GRM1: variants seen among roughly 807,000 people sequenced by gnomAD.
GRM1 encodes metabotropic glutamate receptor 1.
GRM1 carries 33 observed loss-of-function variants against 90.9 expected under a neutral mutation model. The ratio of observed to expected loss-of-function variants is 0.36; its 90% CI spans 0.28 to 0.49. GRM1 has a LOEUF of 0.49. GRM1 is among the 20% of genes least tolerant of loss of function. The pLI, the probability that GRM1 is intolerant of heterozygous loss-of-function variation, is 0.99. For synonymous variants in GRM1, 700 were observed against 613.2 expected (o/e 1.14, Z -2.09); for missense variants, 1,190 against 1,534.3 (o/e 0.78, Z 3.75).
chr6:146,295,121 G>T (rs1463110523), intron 2 of GRM1, among the ~76,000 whole-genome samples: 4 of 151,968 alleles, frequency 2.6e-5, no homozygotes, highest in African/African-American at 7.3e-5. Flanking sequence ...GGAGAGTTTA[G>T]ATATTTGATT....
At chr6:146,094,059 C>G (rs1776798975) in intron 1 of GRM1, among the ~76,000 whole-genome samples, 1 of 151,856 alleles carries the variant, frequency 6.6e-6, no homozygotes, top group African/African-American at 2.4e-5. Flanking sequence ...TAAAAACAAC[C>G]CCTAAGTATT....
At chr6:146,282,045 C>A (rs554753094) in intron 2 of GRM1, among the ~76,000 whole-genome samples, 1 of 152,088 alleles carries the variant, frequency 6.6e-6, no homozygotes, top group Admixed American at 6.6e-5. Flanking sequence ...GAATCATAAA[C>A]AAGAAATCAA....
In GRM1 at chr6:146,433,918, G is replaced by T. The variant is rs1390746716; in HGVS notation, c.2707G>T (p.Val903Leu). 19 of 1,614,002 alleles carry T rather than the reference G, an allele frequency of 1.2e-5. No individual in the cohort carries two copies. Among genetic ancestry groups the T allele is most frequent in the Non-Finnish European group, 1.5e-5 (18 of 1,179,882 alleles). Residue 903 changes from valine (V) to leucine (L), a missense_variant, in exon 8 of 8, where the codon GTG becomes TTG. Coordinates refer to ENST00000282753, the MANE Select transcript of GRM1 (RefSeq NM_001278064.2). Reference protein sequence around the residue: ...VSWSEPGGGQVPKGQHMWHRL... With the variant: ...VSWSEPGGGQLPKGQHMWHRL... ...ATGGTCTGAACCAGGTGGAGGACAG[G>T]TGCCCAAGGGACAGCATATGTGGCA...
At chr6:146,225,994 T>G (rs1780227637) in intron 2 of GRM1, among the ~76,000 whole-genome samples, 1 of 152,126 alleles carries the variant, frequency 6.6e-6, no homozygotes, top group Middle Eastern at 3.2e-3. Flanking sequence ...TCCAAATCCC[T>G]TTGTGATAAC....
At chr6:146,208,761 TG>T (rs1178090912) in intron 2 of GRM1, among the ~76,000 whole-genome samples, 1 of 152,170 alleles carries the variant, frequency 6.6e-6, no homozygotes, top group Non-Finnish European at 1.5e-5. Context: ...GGCAGTATTT[TG>T]TCAATAATAA....
intron 3 of GRM1, among the ~76,000 whole-genome samples, chr6:146,311,496 T>A (rs1766218875): frequency 6.6e-6 from 1 of 152,214 alleles, no homozygotes; most frequent in South Asian, 2.1e-4. Context: ...GAGTAACTAT[T>A]CAATAGGCAC....
chr6:146,288,924 G>T (rs929060281), intron 2 of GRM1, among the ~76,000 whole-genome samples: 2 of 152,162 alleles, frequency 1.3e-5, no homozygotes, highest in East Asian at 3.8e-4. Context: ...TTAGTACAAT[G>T]CACTGCTCAC....
At chr6:146,339,216 G>A (rs565607928) in intron 3 of GRM1, among the ~76,000 whole-genome samples, 1 of 152,172 alleles carries the variant, frequency 6.6e-6, no homozygotes, top group Admixed American at 6.5e-5. Flanking sequence ...ATTATATCAG[G>A]TGCTGACATT....
chr6:146,409,531 A>G (rs1777482333), intron 7 of GRM1, among the ~76,000 whole-genome samples: 1 of 152,154 alleles, frequency 6.6e-6, no homozygotes. Flanking sequence ...GAAGACTAAG[A>G]AAAGACGAAC....
At chr6:146,219,909 G>T (rs1452843073) in intron 2 of GRM1, among the ~76,000 whole-genome samples, 1 of 145,698 alleles carries the variant, frequency 6.9e-6, no homozygotes, top group East Asian at 2.0e-4. Context: ...TTGTTGTTTT[G>T]TGTGTGTGTG....
chr6:146,364,193 C>T (rs951869787), intron 5 of GRM1, among the ~76,000 whole-genome samples: 3 of 152,142 alleles, frequency 2.0e-5, no homozygotes, highest in Admixed American at 6.5e-5. Flanking sequence ...CCTTTTACCT[C>T]TAGCTATTTA....
intron 2 of GRM1, among the ~76,000 whole-genome samples, chr6:146,247,344 C>T (rs541926714): frequency 6.6e-6 from 1 of 152,296 alleles, no homozygotes; most frequent in East Asian, 1.9e-4. Context: ...CCTAGTGATA[C>T]AGCTGCATGG....
Position 146,209,607 on chromosome 6 carries a change from G to A in GRM1, c.950+50010G>A, listed in dbSNP as rs77673749. On this transcript the variant is annotated intron_variant, in intron 2 of 7. Transcript: ENST00000282753. ...AAGATTCATGGAAAATGGTTTGGAG[G>A]CAAGTTACACAAAACAGAATGATGG... 9.1e-3 allele frequency among the ~76,000 whole-genome samples: 1,388 copies of A among 152,206 alleles called. 19 individuals carry two copies. The highest frequency in any genetic ancestry group is 0.027 in the African/African-American group (1,115 of 41,548).
intron 2 of GRM1, among the ~76,000 whole-genome samples, chr6:146,265,909 G>A (rs1781868528): frequency 1.3e-5 from 2 of 152,150 alleles, no homozygotes; most frequent in Admixed American, 1.3e-4. Flanking sequence ...ACATATTAGA[G>A]GCTGGGAGTG....
chr6:146,250,766 C>T (rs1256248651), intron 2 of GRM1, among the ~76,000 whole-genome samples: 2 of 152,146 alleles, frequency 1.3e-5, no homozygotes, highest in African/African-American at 2.4e-5. Context: ...AGAGCCCATT[C>T]TATTATGAAC....
At chr6:146,342,351 T>C (rs2115018874) in intron 3 of GRM1, among the ~76,000 whole-genome samples, 1 of 152,372 alleles carries the variant, frequency 6.6e-6, no homozygotes, top group East Asian at 1.9e-4. Context: ...TTATATATTG[T>C]CTGCAATCAG....
At chr6:146,039,899 A>T (rs569559902) in intron 1 of GRM1, among the ~76,000 whole-genome samples, 3 of 152,144 alleles carry the variant, frequency 2.0e-5, no homozygotes, top group Non-Finnish European at 4.4e-5. Context: ...AGACTGGGAA[A>T]AAATTAGTTT....
Position 146,159,585 on chromosome 6 carries a change from C to A in GRM1, c.938C>A (p.Ser313Ter). 6.2e-7 allele frequency: 1 copy of A among 1,612,326 alleles called. No homozygotes were observed. The highest frequency in any genetic ancestry group is 1.1e-5 in the South Asian group (1 of 91,010). Reference protein sequence around the residue: ...MRRLGVVGEFSLIGSDGWADR... With the variant: ...MRRLGVVGEF ...CGCCTTGGCGTCGTGGGCGAGTTCT[C>A]ACTCATTGGAAGGTAAGTTTCTCTC... The change falls in exon 2 of 8, where the codon TCA becomes TAA. Residue 313 changes from serine to a stop codon, truncating the protein, a stop_gained. Coordinates refer to ENST00000282753, the MANE Select transcript of GRM1 (RefSeq NM_001278064.2). LOFTEE classifies it high-confidence loss of function.
intron 7 of GRM1, among the ~76,000 whole-genome samples, chr6:146,413,133 A>G (rs1777629477): frequency 6.6e-6 from 1 of 152,148 alleles, no homozygotes. Flanking sequence ...CTTTATCTCA[A>G]AAGCCAATTT....
Sources: allele counts gnomAD v4.1 joint callset (sites outside exome capture counted in the v4.1 genomes callset), GRCh38; gene constraint gnomAD v4.1.1; transcripts MANE v1.5; gene names NCBI Gene and HGNC (gene_info 2026-07-23, HGNC 2026-07-21).